Variants in TENM4 observed in about 807,000 individuals in gnomAD.
TENM4 encodes teneurin transmembrane protein 4, also known as teneurin-4.
Under a neutral mutation model 243.3 loss-of-function variants are expected in TENM4, and 82 were observed. That is an observed-to-expected ratio of 0.34 (90% CI 0.28 to 0.40). The LOEUF is 0.40. Among genes scored for constraint, TENM4 ranks in the 10% least tolerant of loss-of-function variants. The pLI, the probability that TENM4 is intolerant of heterozygous loss-of-function variation, is 1.00. For missense variants in TENM4, 3,138 were observed against 3,673.3 expected, an observed-to-expected ratio of 0.85 and a Z score of 3.77; for synonymous variants, 1,412 against 1,456.3, an observed-to-expected ratio of 0.97 and a Z score of 0.69.
intron 5 of TENM4, among the ~76,000 whole-genome samples, chr11:79,067,082 TCTC>T (rs1268972433): frequency 1.3e-5 from 2 of 151,982 alleles, no homozygotes; most frequent in Non-Finnish European, 2.9e-5. Flanking sequence ...ATACCCCCAA[TCTC>T]CTCATGATCC....
At chr11:79,148,180 A>G (rs539536386) in intron 4 of TENM4, among the ~76,000 whole-genome samples, 6 of 152,210 alleles carry the variant, frequency 3.9e-5, no homozygotes, top group African/African-American at 1.4e-4. Flanking sequence ...TGCTCTTGAA[A>G]CCAACTTATG....
In TENM4 at chr11:79,070,118, G is replaced by A. The variant is rs565439118; in HGVS notation, c.-65-109C>T. ...CCCTGTGGACAGAGAACCCCAGGCAGTGGAGGAGAGGGTACCGCTCCACCA... is the reference window on the plus strand; with the variant it reads ...CCCTGTGGACAGAGAACCCCAGGCAATGGAGGAGAGGGTACCGCTCCACCA... On this transcript the variant is annotated intron_variant, in intron 4 of 33. Coordinates refer to ENST00000278550, the MANE Select transcript of TENM4 (RefSeq NM_001098816.3). 37 of 1,330,644 alleles carry A rather than the reference G, an allele frequency of 2.8e-5. No homozygotes were observed. The East Asian group carries it at 7.1e-4, about 26-fold the overall frequency. 82.4% of individuals were successfully genotyped at this position (1,330,644 alleles called of 1,614,324 possible).
At chr11:78,855,120 G>A (rs1858647777) in intron 11 of TENM4, among the ~76,000 whole-genome samples, 1 of 152,172 alleles carries the variant, frequency 6.6e-6, no homozygotes, top group Admixed American at 6.5e-5. Context: ...AAAACTGTCT[G>A]GAGATATGCA....
At chr11:79,324,534 T>G (rs878890946) in intron 1 of TENM4, among the ~76,000 whole-genome samples, 3 of 152,216 alleles carry the variant, frequency 2.0e-5, no homozygotes, top group African/African-American at 7.2e-5. Flanking sequence ...TTGTTTCTTT[T>G]TTCAAATATT....
intron 3 of TENM4, among the ~76,000 whole-genome samples, chr11:79,165,475 C>G (rs899583376): frequency 2.6e-5 from 4 of 152,034 alleles, no homozygotes; most frequent in African/African-American, 7.3e-5. Flanking sequence ...TCTTAGCCTA[C>G]TTTTTGATGA....
chr11:78,828,333 G>C (rs919688308), intron 12 of TENM4, among the ~76,000 whole-genome samples: 1 of 152,106 alleles, frequency 6.6e-6, no homozygotes, highest in Non-Finnish European at 1.5e-5. Context: ...CATGTATTTG[G>C]GGGGCATGTA....
intron 30 of TENM4, among the ~76,000 whole-genome samples, chr11:78,674,648 C>A (rs140560966): frequency 3.8e-4 from 57 of 149,662 alleles, no homozygotes; most frequent in African/African-American, 1.3e-3. Flanking sequence ...GAGGCGCATG[C>A]AGGAGTCTGC....
At chr11:79,377,979 G>A (rs1857926226) in intron 1 of TENM4, among the ~76,000 whole-genome samples, 2 of 152,172 alleles carry the variant, frequency 1.3e-5, no homozygotes, top group Non-Finnish European at 2.9e-5. Context: ...TAATACAGAG[G>A]TCAGGCTCAA....
intron 2 of TENM4, among the ~76,000 whole-genome samples, chr11:79,295,383 A>G (rs529788616): frequency 1.1e-4 from 17 of 152,278 alleles, no homozygotes; most frequent in African/African-American, 3.6e-4. Flanking sequence ...CTCAACCTGT[A>G]AAGGAAAGGG....
rs371206664 is a variant in TENM4 at position 79,259,625 on chromosome 11, C to A, written c.-265+37863G>T. On this transcript the variant is annotated intron_variant, in intron 2 of 33. Transcript: ENST00000278550. ...CCTATCCATCCATCCATCCCTCCAC[C>A]CATCCACTCCCCCATCCATCCATCC... Among the ~76,000 whole-genome samples, 56 of 150,478 alleles carry A rather than the reference C, an allele frequency of 3.7e-4. No homozygotes were observed. The East Asian group carries it at 7.4e-3, about 20-fold the overall frequency.
At chr11:79,064,623 G>A in intron 6 of TENM4, 115 bp downstream of exon 6, 1 of 1,388,180 alleles carries the variant, frequency 7.2e-7, no homozygotes, top group Non-Finnish European at 9.8e-7. Context: ...TGAGAGTAAA[G>A]CAATTTTTCA....
chr11:78,813,143 T>A (rs1328109678), intron 13 of TENM4, among the ~76,000 whole-genome samples: 1 of 152,240 alleles, frequency 6.6e-6, no homozygotes, highest in African/African-American at 2.4e-5. Context: ...CTGTGTTTCC[T>A]TGGGGCTGCT....
chr11:79,279,642 T>A (rs1311874645), intron 2 of TENM4, among the ~76,000 whole-genome samples: 1 of 152,062 alleles, frequency 6.6e-6, no homozygotes, highest in Non-Finnish European at 1.5e-5. Flanking sequence ...CATAGCTGCC[T>A]CTCTACTCTT....
chr11:78,676,507 A>G, intron 29 of TENM4, 120 bp from the exon 30 acceptor site: 1 of 655,716 alleles, frequency 1.5e-6, no homozygotes, highest in Non-Finnish European at 2.4e-6. Flanking sequence ...AAAGCAATAC[A>G]TCATCACTGA....
At chr11:78,683,954 T>TGCCCC (rs1368624211) in intron 29 of TENM4, among the ~76,000 whole-genome samples, 31 of 152,202 alleles carry the variant, frequency 2.0e-4, no homozygotes, top group Admixed American at 9.2e-4. Context: ...TCCTCTGCAC[T>TGCCCC]GCCCCCGTCT....
chr11:79,075,364 G>A (rs1860513918), intron 4 of TENM4, among the ~76,000 whole-genome samples: 1 of 152,224 alleles, frequency 6.6e-6, no homozygotes, highest in Non-Finnish European at 1.5e-5. Flanking sequence ...CAGGCTAGGA[G>A]TAAGGCCTGT....
intron 12 of TENM4, among the ~76,000 whole-genome samples, chr11:78,825,178 C>A (rs1210014543): frequency 6.6e-6 from 1 of 152,214 alleles, no homozygotes. Context: ...AGAGTCACTA[C>A]ACCGGTCTAG....
chr11:79,396,590 GA>G (rs1400194993), intron 1 of TENM4, among the ~76,000 whole-genome samples: 1 of 152,204 alleles, frequency 6.6e-6, no homozygotes, highest in Non-Finnish European at 1.5e-5. Context: ...CCAGGGCAAG[GA>G]AATGGCTGCC....
At chr11:78,787,406 T>G (rs1294262493) in intron 15 of TENM4, among the ~76,000 whole-genome samples, 2 of 152,222 alleles carry the variant, frequency 1.3e-5, no homozygotes, top group Non-Finnish European at 2.9e-5. Context: ...AACCTGTCCC[T>G]GCCTTTGTGC....
Sources: allele counts gnomAD v4.1 joint callset (sites outside exome capture counted in the v4.1 genomes callset), GRCh38; gene constraint gnomAD v4.1.1; transcripts MANE v1.5; gene names NCBI Gene and HGNC (gene_info 2026-07-23, HGNC 2026-07-21).